DRC8: variants seen among roughly 807,000 people sequenced by gnomAD.
DRC8 encodes the protein dynein regulatory complex subunit 8.
the DRC8 span, among the ~76,000 whole-genome samples, chr1:244,973,547 T>C: frequency 3.4e-4 from 52 of 152,314 alleles, no homozygotes; most frequent in Non-Finnish European, 7.4e-5. Context: ...TACCTAAAAG[T>C]ACACAAAACT....
At chr1:244,986,582 C>G in the DRC8 span, among the ~76,000 whole-genome samples, 135 of 151,982 alleles carry the variant, frequency 8.9e-4, no homozygotes, top group East Asian at 0.022. Context: ...TTTAAGAGGT[C>G]ACTTGGCCAG....
chr1:244,969,898 G>A, the DRC8 span: 11 of 457,784 alleles, frequency 2.4e-5, no homozygotes, highest in Non-Finnish European at 4.2e-5. Context: ...GGAAGCGGGA[G>A]GAGGAGGCCG....
the DRC8 span, among the ~76,000 whole-genome samples, chr1:245,042,269 A>G: frequency 1.3e-5 from 2 of 152,224 alleles, no homozygotes; most frequent in Non-Finnish European, 2.9e-5. Flanking sequence ...TTTTAATGAT[A>G]TACAGGAGAT....
chr1:244,990,119 T>G, the DRC8 span, among the ~76,000 whole-genome samples: 2 of 152,210 alleles, frequency 1.3e-5, no homozygotes, highest in African/African-American at 4.8e-5. Flanking sequence ...TTCCTTTTGG[T>G]GTATCATCAG....
At chr1:245,041,296 G>A in the DRC8 span, among the ~76,000 whole-genome samples, 11 of 152,182 alleles carry the variant, frequency 7.2e-5, no homozygotes, top group Non-Finnish European at 1.6e-4. Flanking sequence ...GCCAAATGAC[G>A]TAGAGCATTA....
the DRC8 span, chr1:245,082,160 A>AAAGT: frequency 6.2e-7 from 1 of 1,610,146 alleles, no homozygotes; most frequent in South Asian, 1.1e-5. Context: ...TACTAGAAAG[A>AAAGT]AAGTAAGTAA....
the DRC8 span, among the ~76,000 whole-genome samples, chr1:245,068,611 T>TC: frequency 6.6e-6 from 1 of 150,764 alleles, no homozygotes. Flanking sequence ...CCAGCTAATT[T>TC]TTTTTTTTTT....
chr1:245,026,132 C>T, the DRC8 span, among the ~76,000 whole-genome samples: 3 of 152,158 alleles, frequency 2.0e-5, no homozygotes, highest in Admixed American at 2.0e-4. Context: ...ACCAAGTATC[C>T]ACTTGCTAAT....
the DRC8 span, among the ~76,000 whole-genome samples, chr1:245,090,788 C>T: frequency 2.6e-5 from 4 of 151,930 alleles, no homozygotes; most frequent in Non-Finnish European, 5.9e-5. Context: ...CTGCTTTGCC[C>T]GTGGTAGTTC....
At chr1:245,117,068 T>C in the DRC8 span, among the ~76,000 whole-genome samples, 3 of 152,250 alleles carry the variant, frequency 2.0e-5, no homozygotes, top group Admixed American at 2.0e-4. Flanking sequence ...CTTCTCTTTT[T>C]TGTGAGACAG....
chr1:244,985,205 G>A, the DRC8 span, among the ~76,000 whole-genome samples: 1 of 151,524 alleles, frequency 6.6e-6, no homozygotes. Flanking sequence ...GCTAGCCTGC[G>A]CACATATTGT....
chr1:245,088,676 G>A, the DRC8 span, among the ~76,000 whole-genome samples: 47 of 152,244 alleles, frequency 3.1e-4, no homozygotes, highest in Non-Finnish European at 6.0e-4. The surrounding 1 kb of genome is among the most constrained non-coding windows in gnomAD (Gnocchi z 4.6). Flanking sequence ...GCCTTGCAGG[G>A]AGAGAGCTTT....
At chr1:245,102,916 T>G in the DRC8 span, among the ~76,000 whole-genome samples, 1 of 137,732 alleles carries the variant, frequency 7.3e-6, no homozygotes, top group Non-Finnish European at 1.6e-5. Context: ...GGTGGTCCTC[T>G]ATGGTCAGGA....
the DRC8 span, among the ~76,000 whole-genome samples, chr1:244,976,291 A>G: frequency 2.6e-4 from 29 of 109,638 alleles, no homozygotes; most frequent in South Asian, 1.4e-3. Context: ...CAAATAAAAC[A>G]TAAGAGTTAA....
chr1:245,046,306 T>C, the DRC8 span, among the ~76,000 whole-genome samples: 1 of 152,224 alleles, frequency 6.6e-6, no homozygotes, highest in African/African-American at 2.4e-5. Flanking sequence ...CATTTTTCTC[T>C]TCAGCTGTCT....
At chr1:245,034,889 TAGAA>T in the DRC8 span, among the ~76,000 whole-genome samples, 6 of 147,514 alleles carry the variant, frequency 4.1e-5, no homozygotes, top group Non-Finnish European at 8.9e-5. Flanking sequence ...AAAAGTTTAA[TAGAA>T]AGATAAATCA....
the DRC8 span, among the ~76,000 whole-genome samples, chr1:245,101,537 C>T: frequency 1.3e-5 from 2 of 152,150 alleles, no homozygotes; most frequent in Non-Finnish European, 2.9e-5. Flanking sequence ...ACATTATGGA[C>T]TGCAAAATGG....
chr1:244,996,729 A>G, the DRC8 span, among the ~76,000 whole-genome samples: 3 of 152,328 alleles, frequency 2.0e-5, no homozygotes, highest in African/African-American at 7.2e-5. Context: ...ATTCTATAGC[A>G]TCATTGCCTT....
At chr1:245,102,503 G>C in the DRC8 span, among the ~76,000 whole-genome samples, 1 of 152,106 alleles carries the variant, frequency 6.6e-6, no homozygotes, top group Non-Finnish European at 1.5e-5. Flanking sequence ...GCATGCACTA[G>C]CACTCCTGGC....
Sources: gnomAD v4.1 joint callset for allele counts (sites outside exome capture counted in the v4.1 genomes callset) on GRCh38, gnomAD v4.1.1 for gene constraint, Gnocchi (gnomAD v3.1) non-coding constraint, MANE v1.5 for transcripts, NCBI Gene and HGNC (gene_info 2026-07-23, HGNC 2026-07-21) for gene names.